Variants in NUBPL observed in about 807,000 individuals in gnomAD.
NUBPL encodes the protein iron-sulfur cluster transfer protein NUBPL.
NUBPL carries 31 observed loss-of-function variants against 45.7 expected under a neutral mutation model. The ratio of observed to expected loss-of-function variants is 0.68; its 90% CI spans 0.51 to 0.92. The LOEUF is 0.92. Ranked by LOEUF, NUBPL falls within the 40% of genes least tolerant of loss-of-function variation. The pLI, the probability that NUBPL is intolerant of heterozygous loss-of-function variation, is 0.00. For missense variants in NUBPL, 401 were observed against 398.7 expected (o/e 1.01, Z -0.05); for synonymous variants, 144 against 140.9 (o/e 1.02, Z -0.15).
intron 7 of NUBPL, among the ~76,000 whole-genome samples, chr14:31,811,821 G>T (rs1009628586): frequency 6.6e-6 from 1 of 152,092 alleles, no homozygotes; most frequent in African/African-American, 2.4e-5. Context: ...TGTCCTTTTT[G>T]TTGATGCTGA....
intron 7 of NUBPL, among the ~76,000 whole-genome samples, chr14:31,810,906 G>A (rs906824460): frequency 2.6e-5 from 4 of 152,116 alleles, no homozygotes; most frequent in Non-Finnish European, 4.4e-5. Context: ...TGAAATTCTG[G>A]GTTGAAAATT....
chr14:31,610,896 C>A (rs764751281), intron 4 of NUBPL, among the ~76,000 whole-genome samples: 11 of 152,094 alleles, frequency 7.2e-5, no homozygotes, highest in Non-Finnish European at 1.5e-4. Context: ...AGGATACAAA[C>A]CTTCAAAAAA....
chr14:31,662,877 A>G (rs953270068), intron 4 of NUBPL, among the ~76,000 whole-genome samples: 12 of 152,176 alleles, frequency 7.9e-5, no homozygotes, highest in Non-Finnish European at 1.6e-4. Flanking sequence ...AAACATTTCT[A>G]TGTCTCCACA....
chr14:31,575,040 G>C (rs943271247), intron 3 of NUBPL, among the ~76,000 whole-genome samples: 2 of 151,930 alleles, frequency 1.3e-5, no homozygotes, highest in Non-Finnish European at 2.9e-5. Flanking sequence ...CTTTTTTATT[G>C]ATGTTTATCT....
At chr14:31,656,247 C>A (rs1228454049) in intron 4 of NUBPL, among the ~76,000 whole-genome samples, 4 of 152,180 alleles carry the variant, frequency 2.6e-5, no homozygotes, top group African/African-American at 9.6e-5. Context: ...CTGGTTTGAT[C>A]TTCTATCCAG....
At chr14:31,622,713 A>G (rs1267538963) in intron 4 of NUBPL, among the ~76,000 whole-genome samples, 1 of 152,242 alleles carries the variant, frequency 6.6e-6, no homozygotes, top group Non-Finnish European at 1.5e-5. Flanking sequence ...TGCTCAGAAG[A>G]CAAGAGTTCA....
At chr14:31,638,311 T>C (rs2035569609) in intron 4 of NUBPL, among the ~76,000 whole-genome samples, 1 of 151,974 alleles carries the variant, frequency 6.6e-6, no homozygotes, top group African/African-American at 2.4e-5. Context: ...CAGCATTTGC[T>C]TGTCTGTAAA....
intron 6 of NUBPL, among the ~76,000 whole-genome samples, chr14:31,775,930 G>A (rs901370649): frequency 1.3e-5 from 2 of 152,140 alleles, no homozygotes; most frequent in African/African-American, 4.8e-5. Context: ...GTTCTAGATG[G>A]GGAGAGACAG....
intron 6 of NUBPL, among the ~76,000 whole-genome samples, chr14:31,703,440 G>A (rs1004257535): frequency 6.6e-6 from 1 of 152,190 alleles, no homozygotes; most frequent in African/African-American, 2.4e-5. Flanking sequence ...CTTAATGTGT[G>A]TATTAGTCTG....
chr14:31,754,250 A>T (rs1471632614), intron 6 of NUBPL, among the ~76,000 whole-genome samples: 1 of 152,222 alleles, frequency 6.6e-6, no homozygotes, highest in Admixed American at 6.5e-5. Flanking sequence ...ATGAAAAAGT[A>T]TAAGATCTAG....
intron 6 of NUBPL, among the ~76,000 whole-genome samples, chr14:31,754,529 GA>G (rs2038605873): frequency 6.7e-6 from 1 of 148,914 alleles, no homozygotes; most frequent in African/African-American, 2.5e-5. Flanking sequence ...AAAATTAAAG[GA>G]AAGATAATCT....
intron 6 of NUBPL, among the ~76,000 whole-genome samples, chr14:31,777,278 G>C (rs930123171): frequency 6.6e-6 from 1 of 152,186 alleles, no homozygotes; most frequent in South Asian, 2.1e-4. Flanking sequence ...TCCCATCATG[G>C]TGCCAGAGTG....
At position 31,826,197 on chromosome 14, in the gene NUBPL, C is replaced by T. The variant is rs545388602; in HGVS notation, c.608-432C>T. Among the ~76,000 whole-genome samples, 12 of 152,036 alleles carry T rather than the reference C, an allele frequency of 7.9e-5. No individual in the cohort carries two copies. In the South Asian group the frequency reaches 1.2e-3, roughly 16 times the overall value. On this transcript the variant is annotated intron_variant, in intron 7 of 10. Coordinates refer to ENST00000281081, the MANE Select transcript of NUBPL (RefSeq NM_025152.3). ...AGGCAGTGGTGTGATCTCCGCTCAC[C>T]GCAACCTCTGTCTCCCAGGTTCAAG...
At chr14:31,666,424 C>G (rs1189901853) in intron 4 of NUBPL, among the ~76,000 whole-genome samples, 1 of 151,550 alleles carries the variant, frequency 6.6e-6, no homozygotes, top group East Asian at 2.0e-4. Context: ...ACCACCATGC[C>G]TGGCTAATTT....
intron 6 of NUBPL, among the ~76,000 whole-genome samples, chr14:31,683,042 G>A (rs1414027500): frequency 7.7e-6 from 1 of 129,122 alleles, no homozygotes; most frequent in Non-Finnish European, 1.6e-5. Context: ...TTTTGACAAC[G>A]AGCTCTTGTA....
intron 6 of NUBPL, among the ~76,000 whole-genome samples, chr14:31,717,688 C>T (rs991109984): frequency 3.9e-5 from 6 of 152,134 alleles, no homozygotes; most frequent in African/African-American, 1.4e-4. Flanking sequence ...AACCCCAAGC[C>T]TGTTCCTTAG....
chr14:31,618,412 A>G (rs2034968326), intron 4 of NUBPL, among the ~76,000 whole-genome samples: 2 of 152,180 alleles, frequency 1.3e-5, no homozygotes, highest in African/African-American at 4.8e-5. Context: ...TTGGGCATTT[A>G]GTGCCATAAA....
chr14:31,855,478 A>G (rs532763966), intron 10 of NUBPL, among the ~76,000 whole-genome samples: 5 of 152,294 alleles, frequency 3.3e-5, no homozygotes, highest in African/African-American at 1.2e-4. Context: ...TGACTTCATG[A>G]CCTTGAGCAA....
Position 31,793,426 on chromosome 14 carries a change from A to G in NUBPL, c.607+5553A>G, listed in dbSNP as rs147775191. Among the ~76,000 whole-genome samples the G allele has an allele frequency of 2.0e-3, 303 of 152,286 alleles. 1 individual carries two copies. Among genetic ancestry groups the G allele is most frequent in the African/African-American group, 7.0e-3 (289 of 41,552 alleles). On this transcript the variant is annotated intron_variant, in intron 7 of 10. Transcript: ENST00000281081. ...TTAGGAATCACTTCCCCCTCTTTGG[A>G]AATCACATAGCATAATATTTGGATT... is the stretch of plus-strand genomic sequence containing the variant.
Sources: gnomAD v4.1 joint callset for allele counts (sites outside exome capture counted in the v4.1 genomes callset) on GRCh38, gnomAD v4.1.1 for gene constraint, MANE v1.5 for transcripts, NCBI Gene and HGNC (gene_info 2026-07-23, HGNC 2026-07-21) for gene names.